Variants in PIK3R3 observed in about 807,000 individuals in gnomAD.
The protein encoded by PIK3R3 is phosphoinositide-3-kinase regulatory subunit 3, also known as phosphatidylinositol 3-kinase regulatory subunit gamma.
In PIK3R3, 64 loss-of-function variants were observed where a neutral mutation model predicts 62.9. The ratio of observed to expected loss-of-function variants is 1.02; its 90% CI spans 0.83 to 1.25. The LOEUF (loss-of-function observed/expected upper bound fraction) is 1.25, where lower values mean the gene tolerates loss of function less well. Ranked by LOEUF, PIK3R3 falls within the 50% of genes most tolerant of loss-of-function variation. PIK3R3 has a pLI of 0.00. For missense variants in PIK3R3, 614 were observed against 561.6 expected (o/e 1.09, Z -0.94); for synonymous variants, 165 against 189.0 (o/e 0.87, Z 1.04).
rs142133734 is a variant in PIK3R3 at position 46,091,557 on chromosome 1, C to T, written c.107-10807G>A. On this transcript the variant is annotated intron_variant, in intron 1 of 9. Transcript: ENST00000262741. ...AAAGCCTAAAGTAGTTACTATATGGCTCTTTACAGAAAAAATGTCAATTCC... is the reference window on the plus strand; with the variant it reads ...AAAGCCTAAAGTAGTTACTATATGGTTCTTTACAGAAAAAATGTCAATTCC... 1.2e-3 allele frequency among the ~76,000 whole-genome samples: 184 copies of T among 152,196 alleles called. 3 individuals carry two copies. The East Asian group carries it at 0.026, about 21-fold the overall frequency.
At chr1:46,116,616 C>T (rs1654209821) in intron 1 of PIK3R3, among the ~76,000 whole-genome samples, 1 of 149,520 alleles carries the variant, frequency 6.7e-6, no homozygotes, top group Non-Finnish European at 1.5e-5. Context: ...GAGCCGAGAT[C>T]ACACCACTGC....
At chr1:46,128,040 T>C (rs933644554) in intron 1 of PIK3R3, among the ~76,000 whole-genome samples, 3 of 152,346 alleles carry the variant, frequency 2.0e-5, no homozygotes, top group Admixed American at 1.3e-4. Flanking sequence ...CAATGTTAGT[T>C]ATTGAAAAGA....
intron 1 of PIK3R3, among the ~76,000 whole-genome samples, chr1:46,112,422 C>T (rs1653822010): frequency 6.6e-6 from 1 of 152,080 alleles, no homozygotes; most frequent in Admixed American, 6.6e-5. Context: ...CATACATATA[C>T]CTTTATATGT....
chr1:46,167,571 C>A, the PIK3R3 span, among the ~76,000 whole-genome samples: 1 of 152,130 alleles, frequency 6.6e-6, no homozygotes, highest in Non-Finnish European at 1.5e-5. Flanking sequence ...TATAACAGCC[C>A]CCACCTCTAC....
intron 1 of PIK3R3, among the ~76,000 whole-genome samples, chr1:46,118,881 C>G (rs1654423054): frequency 1.3e-5 from 2 of 151,904 alleles, no homozygotes; most frequent in Admixed American, 1.3e-4. Context: ...CTACTTTCCC[C>G]TCATTCCATT....
chr1:46,105,374 C>G (rs558518695), intron 1 of PIK3R3, among the ~76,000 whole-genome samples: 16 of 152,230 alleles, frequency 1.1e-4, no homozygotes, highest in African/African-American at 3.9e-4. Flanking sequence ...CGACTTGCAC[C>G]TGTAATCCTA....
chr1:46,121,045 C>T (rs926608291), intron 1 of PIK3R3, among the ~76,000 whole-genome samples: 3 of 152,104 alleles, frequency 2.0e-5, no homozygotes, highest in Admixed American at 1.3e-4. Flanking sequence ...TGAAGCCAGT[C>T]CCAAGGATGG....
In PIK3R3 at chr1:46,041,961, A is replaced by G. The variant is rs555886041; in HGVS notation, c.*1712T>C. 1.1e-4 allele frequency: 24 copies of G among 219,456 alleles called. No individual in the cohort carries two copies. In the South Asian group the frequency reaches 3.9e-3, roughly 36 times the overall value. The allele number at this position is 219,456 out of a possible 1,614,324, so 13.6% of individuals were successfully genotyped here. On this transcript the variant is annotated 3_prime_UTR_variant, in exon 10 of 10. Transcript: ENST00000262741. ...TGGAAATAAGTGCTCAGGTAAACTAATATTTTTCTTTCACCCCCAGAACTA... is the reference window on the plus strand; with the variant it reads ...TGGAAATAAGTGCTCAGGTAAACTAGTATTTTTCTTTCACCCCCAGAACTA...
At chr1:46,132,631 G>C (rs1035834815), upstream of PIK3R3, 3 of 1,289,574 alleles carry the variant, frequency 2.3e-6, no homozygotes, top group Non-Finnish European at 1.0e-6. Context: ...GCTCTGCCCG[G>C]ACTCCAGCCA....
chr1:46,103,148 A>T (rs1215816570), intron 1 of PIK3R3, among the ~76,000 whole-genome samples: 2 of 152,224 alleles, frequency 1.3e-5, no homozygotes, highest in Non-Finnish European at 2.9e-5. Flanking sequence ...AAGGTTGGTT[A>T]CCAGGGGTTG....
chr1:46,068,826 T>C (rs785511), intron 3 of PIK3R3, among the ~76,000 whole-genome samples: 69,643 of 152,022 alleles, frequency 0.46, 16,106 homozygotes, highest in East Asian at 0.62. Context: ...TGTAGGTTAC[T>C]GTAAGGGCTT....
chr1:46,159,120 T>A, the PIK3R3 span, among the ~76,000 whole-genome samples: 1 of 147,360 alleles, frequency 6.8e-6, no homozygotes, highest in African/African-American at 2.5e-5. Context: ...AATAAATAAA[T>A]AAAATAAAAT....
At chr1:46,111,980 T>C (rs569501153) in intron 1 of PIK3R3, among the ~76,000 whole-genome samples, 2 of 152,196 alleles carry the variant, frequency 1.3e-5, no homozygotes, top group South Asian at 4.1e-4. Context: ...AAGCCAGTAG[T>C]TGTTTTCTCT....
intron 6 of PIK3R3, among the ~76,000 whole-genome samples, chr1:46,058,212 G>A (rs1184733977): frequency 6.6e-6 from 1 of 152,186 alleles, no homozygotes; most frequent in East Asian, 1.9e-4. Flanking sequence ...TCAAGAATTG[G>A]GAACCTCCAC....
chr1:46,162,745 C>T, the PIK3R3 span, among the ~76,000 whole-genome samples: 5 of 152,112 alleles, frequency 3.3e-5, no homozygotes, highest in African/African-American at 4.8e-5. Flanking sequence ...CCTCAGCCTC[C>T]GAAGTACCTG....
At chr1:46,131,824 C>A in intron 1 of PIK3R3, 23 bp downstream of exon 1, 3 of 1,231,634 alleles carry the variant, frequency 2.4e-6, no homozygotes, top group East Asian at 2.9e-5. Context: ...TCACGAGATT[C>A]TTTTTTTTTT....
At chr1:46,046,758 T>C (rs1647127820) in intron 7 of PIK3R3, 133 bp from the exon 8 acceptor site, 3 of 606,616 alleles carry the variant, frequency 4.9e-6, no homozygotes, top group Non-Finnish European at 8.8e-6. Flanking sequence ...TGGGCAAAGA[T>C]TTCCCAAAAT....
rs1653572190 is a variant in PIK3R3, at chr1:46,109,812, CTTCTT to C, written c.106+22030_106+22034del. On this transcript the variant is annotated intron_variant, in intron 1 of 9. Transcript: ENST00000262741. Reference sequence around the variant, plus strand: ...CCTGGTTCTTTTCCACCCTTCTCTGCTTCTTTTGAGTTTCAAATCTAACCATAATG... The same window carrying C: ...CCTGGTTCTTTTCCACCCTTCTCTGCTTGAGTTTCAAATCTAACCATAATG... Among the ~76,000 whole-genome samples the C allele has an allele frequency of 3.3e-5, 5 of 152,152 alleles. No homozygotes were observed. In the South Asian group the frequency reaches 1.0e-3, roughly 31 times the overall value.
chr1:46,063,070 G>C (rs1357567591), intron 5 of PIK3R3, among the ~76,000 whole-genome samples: 1 of 152,192 alleles, frequency 6.6e-6, no homozygotes, highest in Non-Finnish European at 1.5e-5. Flanking sequence ...TATACAGGTG[G>C]AACAGATTTC....
Sources: allele counts gnomAD v4.1 joint callset (sites outside exome capture counted in the v4.1 genomes callset), GRCh38; gene constraint gnomAD v4.1.1; transcripts MANE v1.5; gene names NCBI Gene and HGNC (gene_info 2026-07-23, HGNC 2026-07-21).